PDS5B: variants seen among roughly 807,000 people sequenced by gnomAD.
PDS5B encodes the protein PDS5 cohesin associated factor B, also known as sister chromatid cohesion protein PDS5 homolog B.
PDS5B carries 51 observed loss-of-function variants against 184.1 expected under a neutral mutation model. That is an observed-to-expected ratio of 0.28 (90% CI 0.22 to 0.35). The LOEUF (loss-of-function observed/expected upper bound fraction) is 0.35. Among genes scored for constraint, PDS5B ranks in the 10% least tolerant of loss-of-function variants. The pLI, the probability that PDS5B is intolerant of heterozygous loss-of-function variation, is 1.00. For missense variants in PDS5B, 1,180 were observed against 1,723.3 expected (o/e 0.68, Z 5.58); for synonymous variants, 566 against 569.2 (o/e 0.99, Z 0.08).
intron 2 of PDS5B, chr13:32,650,369 CCTT>C (rs1293877116): frequency 6.6e-6 from 1 of 152,074 alleles, no homozygotes; most frequent in Non-Finnish European, 1.5e-5. Flanking sequence ...TTAGCATCCT[CCTT>C]CTTAGAAAAA....
chr13:32,713,700 C>T (rs1952277957), intron 19 of PDS5B, among the ~76,000 whole-genome samples: 1 of 152,034 alleles, frequency 6.6e-6, no homozygotes, highest in Non-Finnish European at 1.5e-5. Flanking sequence ...CCATAATTGA[C>T]ATCTTTGGAG....
At chr13:32,736,796 T>C (rs989303462) in intron 21 of PDS5B, among the ~76,000 whole-genome samples, 2 of 152,156 alleles carry the variant, frequency 1.3e-5, no homozygotes, top group Admixed American at 1.3e-4. Context: ...TGACACACTT[T>C]TGTGTACTTT....
intron 1 of PDS5B, among the ~76,000 whole-genome samples, chr13:32,614,057 T>C (rs1566248374): frequency 6.6e-6 from 1 of 152,212 alleles, no homozygotes; most frequent in African/African-American, 2.4e-5. Context: ...TGAGAGTTTA[T>C]TTCTAGGCTG....
At chr13:32,596,704 A>G (rs1405530729) in intron 1 of PDS5B, among the ~76,000 whole-genome samples, 1 of 152,028 alleles carries the variant, frequency 6.6e-6, no homozygotes, top group African/African-American at 2.4e-5. Flanking sequence ...GTGGAAGGGT[A>G]TCTCATTGTG....
intron 25 of PDS5B, among the ~76,000 whole-genome samples, chr13:32,755,506 C>G (rs956891196): frequency 6.6e-6 from 1 of 152,024 alleles, no homozygotes; most frequent in Non-Finnish European, 1.5e-5. Context: ...TTTTTTCTCT[C>G]ACTCTTGAAT....
intron 1 of PDS5B, among the ~76,000 whole-genome samples, chr13:32,597,004 A>G (rs2057885551): frequency 1.3e-5 from 2 of 151,710 alleles, no homozygotes; most frequent in Admixed American, 6.6e-5. Flanking sequence ...CAGTCAATCA[A>G]CTTTTTGTTT....
At chr13:32,739,804 T>C (rs1391575932) in intron 21 of PDS5B, among the ~76,000 whole-genome samples, 3 of 152,176 alleles carry the variant, frequency 2.0e-5, no homozygotes, top group Non-Finnish European at 4.4e-5. Flanking sequence ...GTATCCCATT[T>C]AAGTCCATAT....
Position 32,696,863 on chromosome 13 carries a change from A to C in PDS5B, c.1561A>C (p.Ser521Arg). 6.3e-7 allele frequency: 1 copy of C among 1,597,916 alleles called. No individual in the cohort carries two copies. Among genetic ancestry groups the C allele is most frequent in the Non-Finnish European group, 8.6e-7 (1 of 1,169,006 alleles). The change falls in exon 15 of 35, where the codon AGT (serine) becomes CGT (arginine). Residue 521 changes from serine (S) to arginine (R), a missense_variant. By Grantham distance (110) the Ser-to-Arg change is moderately radical. This residue lies in a region of PDS5B where 475 missense variants were observed against 691.5 expected (regional missense o/e 0.69). Transcript: ENST00000315596. Reference sequence around the variant, plus strand: ...TTTGTGTGATTTACAGACAGATGCCAGTGTCAAGGCCATATTTTCAAAAGT... The same window carrying C: ...TTTGTGTGATTTACAGACAGATGCCCGTGTCAAGGCCATATTTTCAAAAGT... ...DLIKQPKTDA[S>R]VKAIFSKVMV...
At chr13:32,597,095 G>A (rs755844067) in intron 1 of PDS5B, among the ~76,000 whole-genome samples, 5 of 151,690 alleles carry the variant, frequency 3.3e-5, no homozygotes, top group East Asian at 1.9e-4. Flanking sequence ...GTTTAGTGGC[G>A]CCATCATAGC....
At position 32,687,190 on chromosome 13, in the gene PDS5B, T is replaced by G; in HGVS notation, c.1260T>G (p.Ala420=). Residue 420 remains alanine, a synonymous_variant, in exon 12 of 35, where the codon GCT becomes GCG. Transcript: ENST00000315596. ...TTGCCCAAATTTATAAGAAATATGCTTTACAGTCAGCAGCTGGAAAAGATG... is the reference window on the plus strand; with the variant it reads ...TTGCCCAAATTTATAAGAAATATGCGTTACAGTCAGCAGCTGGAAAAGATG... ...MGLAQIYKKY[A]LQSAAGKDAA... The G allele has an allele frequency of 6.2e-7, 1 of 1,610,528 alleles. No individual in the cohort carries two copies. Among genetic ancestry groups the G allele is most frequent in the Non-Finnish European group, 8.5e-7 (1 of 1,178,622 alleles).
chr13:32,670,543 T>A (rs1036594581), intron 7 of PDS5B, among the ~76,000 whole-genome samples: 26 of 152,152 alleles, frequency 1.7e-4, no homozygotes, highest in Non-Finnish European at 3.2e-4. Context: ...TATTTTTTTT[T>A]AAATAGAATT....
At chr13:32,653,536 A>G (rs1950423082) in intron 3 of PDS5B, among the ~76,000 whole-genome samples, 1 of 152,208 alleles carries the variant, frequency 6.6e-6, no homozygotes, top group South Asian at 2.1e-4. Flanking sequence ...GTCTACCACA[A>G]TTCAAGTAGA....
At chr13:32,692,258 A>G (rs1951570465) in intron 13 of PDS5B, among the ~76,000 whole-genome samples, 1 of 151,922 alleles carries the variant, frequency 6.6e-6, no homozygotes, top group East Asian at 1.9e-4. Flanking sequence ...TAAGCTCCTA[A>G]GTAAACTAAA....
rs527534108 is a variant in PDS5B at position 32,768,070 on chromosome 13, C to G, written c.3625-2051C>G. ...TTAGAATCTCATCTCACATTCTGTT[C>G]TAAAACAATACACAATAATGTCTTA... On this transcript the variant is annotated intron_variant, in intron 31 of 34. Coordinates refer to ENST00000315596, the MANE Select transcript of PDS5B (RefSeq NM_015032.4). Among the ~76,000 whole-genome samples the G allele has an allele frequency of 2.6e-5, 4 of 152,276 alleles. No homozygotes were observed. The South Asian group carries it at 8.3e-4, about 32-fold the overall frequency.
At chr13:32,760,019 C>T (rs576531332) in intron 29 of PDS5B, among the ~76,000 whole-genome samples, 15 of 151,962 alleles carry the variant, frequency 9.9e-5, no homozygotes, top group Non-Finnish European at 1.8e-4. Flanking sequence ...TGCAGTGGCG[C>T]ATCTCGGCTC....
chr13:32,732,926 A>G (rs2140952841), intron 20 of PDS5B, among the ~76,000 whole-genome samples: 1 of 152,300 alleles, frequency 6.6e-6, no homozygotes, highest in Non-Finnish European at 1.5e-5. Flanking sequence ...CTTGGACTTA[A>G]TATCTTTGTT....
At chr13:32,616,975 C>T (rs1471955736) in intron 1 of PDS5B, among the ~76,000 whole-genome samples, 3 of 152,118 alleles carry the variant, frequency 2.0e-5, no homozygotes, top group African/African-American at 7.2e-5. Context: ...TGTGCATTTT[C>T]TTCTTTTACC....
intron 1 of PDS5B, among the ~76,000 whole-genome samples, chr13:32,603,457 C>A (rs1172372968): frequency 6.6e-6 from 1 of 152,080 alleles, no homozygotes. Flanking sequence ...TGGTCTATAT[C>A]TCTGTTTTGG....
At chr13:32,748,927 C>T (rs1405439738) in intron 24 of PDS5B, among the ~76,000 whole-genome samples, 1 of 152,062 alleles carries the variant, frequency 6.6e-6, no homozygotes, top group Non-Finnish European at 1.5e-5. Flanking sequence ...CTTGACCATT[C>T]TTATTGCTGT....
Sources: allele counts gnomAD v4.1 joint callset (sites outside exome capture counted in the v4.1 genomes callset), GRCh38; gene constraint gnomAD v4.1.1; regional missense constraint gnomAD v4.1.1; transcripts MANE v1.5; gene names NCBI Gene and HGNC (gene_info 2026-07-23, HGNC 2026-07-21).